Variants in L3HYPDH observed in about 807,000 individuals in gnomAD.
L3HYPDH encodes trans-3-hydroxy-L-proline dehydratase.
L3HYPDH carries 32 observed loss-of-function variants against 26.5 expected under a neutral mutation model. The observed-to-expected ratio is 1.21, with a 90% CI of 0.91 to 1.62. The LOEUF is 1.62. Among genes scored for constraint, L3HYPDH ranks in the 40% most tolerant of loss-of-function variants. The pLI, the probability that L3HYPDH is intolerant of heterozygous loss-of-function variation, is 0.00. For synonymous variants in L3HYPDH, 215 were observed against 196.6 expected (o/e 1.09, Z -0.78); for missense variants, 554 against 476.4 (o/e 1.16, Z -1.52).
rs115260703 is a variant in L3HYPDH, at chr14:59,480,607, C to T, written c.509-1256G>A. Among the ~76,000 whole-genome samples the T allele has an allele frequency of 1.5e-3, 227 of 152,280 alleles. 1 individual carries two copies. Among genetic ancestry groups the T allele is most frequent in the African/African-American group, 5.2e-3 (218 of 41,548 alleles). On this transcript the variant is annotated intron_variant, in intron 1 of 4. Coordinates refer to ENST00000247194, the MANE Select transcript of L3HYPDH (RefSeq NM_144581.2). ...TGGGAAAGAAAATATATCTTGTGTTCCTGAGTTTTCATACAAGGTCATACA... is the reference window on the plus strand; with the variant it reads ...TGGGAAAGAAAATATATCTTGTGTTTCTGAGTTTTCATACAAGGTCATACA...
upstream of L3HYPDH, chr14:59,485,071 A>G (rs1890424777): frequency 6.3e-7 from 1 of 1,598,484 alleles, no homozygotes; most frequent in Non-Finnish European, 8.5e-7. Flanking sequence ...GCTAAAGGAA[A>G]TGAAAGGAGA....
chr14:59,487,940 TTTTC>T (rs1335685040), upstream of L3HYPDH: 6 of 1,014,118 alleles, frequency 5.9e-6, no homozygotes, highest in Non-Finnish European at 8.9e-6. Context: ...GTAAACATGT[TTTTC>T]TTTATCTTCA....
the L3HYPDH span, chr14:59,498,752 G>T: frequency 4.3e-5 from 68 of 1,569,210 alleles, no homozygotes; most frequent in Non-Finnish European, 5.7e-5. Flanking sequence ...TATCTATTAC[G>T]CATTCTGCTT....
the L3HYPDH span, among the ~76,000 whole-genome samples, chr14:59,489,913 T>G: frequency 6.6e-6 from 1 of 152,022 alleles, no homozygotes. Flanking sequence ...GTTTTATTTT[T>G]TAATTTATCT....
At chr14:59,496,359 T>C in the L3HYPDH span, among the ~76,000 whole-genome samples, 1 of 151,698 alleles carries the variant, frequency 6.6e-6, no homozygotes, top group East Asian at 1.9e-4. Flanking sequence ...ATTACCCTCT[T>C]GTCATATAAC....
chr14:59,501,570 T>TGCC, the L3HYPDH span, among the ~76,000 whole-genome samples: 5 of 152,216 alleles, frequency 3.3e-5, no homozygotes, highest in Non-Finnish European at 7.3e-5. Flanking sequence ...TGTTGAAACT[T>TGCC]ATTAACAGTA....
chr14:59,479,395 A>T, intron 1 of L3HYPDH, 44 bp from the exon 2 acceptor site: 1 of 1,523,676 alleles, frequency 6.6e-7, no homozygotes, highest in Non-Finnish European at 9.0e-7. Context: ...TTTGTTAATA[A>T]GTATTTTAGC....
chr14:59,487,067 G>A (rs1214282972), upstream of L3HYPDH: 2 of 280,698 alleles, frequency 7.1e-6, no homozygotes, highest in South Asian at 4.9e-5. Context: ...GCTGGGCATA[G>A]TTGTGTGCGC....
rs200875616 is a variant in L3HYPDH at position 59,483,975 on chromosome 14, G to C, written c.342C>G (p.Phe114Leu). The change falls in exon 1 of 5, where the codon TTC (phenylalanine) becomes TTG (leucine). Residue 114 changes from phenylalanine to leucine, a missense_variant. Transcript: ENST00000247194. ...CGHAVLALGR[F>L]ALDFGLVPAP... ...CCGGCACAAGCCCGAAGTCCAAAGCGAAGCGGCCCAGCGCCAGCACTGCGT... is the reference window on the plus strand; with the variant it reads ...CCGGCACAAGCCCGAAGTCCAAAGCCAAGCGGCCCAGCGCCAGCACTGCGT... The C allele has an allele frequency of 3.8e-6, 6 of 1,576,410 alleles. No homozygotes were observed. Among genetic ancestry groups the C allele is most frequent in the Non-Finnish European group, 4.3e-6 (5 of 1,166,852 alleles).
chr14:59,484,556 C>T (rs754261436), upstream of L3HYPDH: 12 of 1,567,842 alleles, frequency 7.7e-6, no homozygotes, highest in African/African-American at 2.7e-5. Context: ...ATCCGCTGAT[C>T]TAGTGCTTCT....
chr14:59,480,673 A>G (rs1443841658), intron 1 of L3HYPDH, among the ~76,000 whole-genome samples: 1 of 152,266 alleles, frequency 6.6e-6, no homozygotes, highest in Middle Eastern at 3.2e-3. Flanking sequence ...GGCTATCAGT[A>G]TGCTATTAGT....
intron 2 of L3HYPDH, among the ~76,000 whole-genome samples, chr14:59,477,233 G>A (rs1009428419): frequency 2.6e-5 from 4 of 152,138 alleles, no homozygotes; most frequent in African/African-American, 9.7e-5. Context: ...TTCTTTCTTC[G>A]AGTCTCCAGG....
At chr14:59,473,368 T>C (rs1461565495) in intron 4 of L3HYPDH, among the ~76,000 whole-genome samples, 2 of 152,164 alleles carry the variant, frequency 1.3e-5, no homozygotes, top group Non-Finnish European at 2.9e-5. Flanking sequence ...AGAGTCACTA[T>C]GGGAGTTTTC....
At chr14:59,487,627 T>A, upstream of L3HYPDH, 1 of 1,461,132 alleles carries the variant, frequency 6.8e-7, no homozygotes, top group Non-Finnish European at 9.6e-7. Flanking sequence ...GGTGTTAATG[T>A]TGTAAAATAA....
intron 4 of L3HYPDH, chr14:59,474,521 C>T: frequency 2.9e-6 from 2 of 700,330 alleles, no homozygotes; most frequent in Non-Finnish European, 5.2e-6. Flanking sequence ...CTTCTCATAA[C>T]AGCTCCTATA....
At chr14:59,474,645 C>G in intron 4 of L3HYPDH, 1 of 588,828 alleles carries the variant, frequency 1.7e-6, no homozygotes. Context: ...TACTCACTAA[C>G]TAACCTCTGG....
At chr14:59,486,577 T>C (rs972773354), upstream of L3HYPDH, 1 of 650,070 alleles carries the variant, frequency 1.5e-6, no homozygotes. Flanking sequence ...AATTTAAAAA[T>C]GCTTCAAGAC....
At chr14:59,495,764 C>T in the L3HYPDH span, among the ~76,000 whole-genome samples, 1 of 152,132 alleles carries the variant, frequency 6.6e-6, no homozygotes, top group Admixed American at 6.5e-5. Context: ...AGCAGGCTTT[C>T]AGTACATAAT....
At chr14:59,495,241 A>T in the L3HYPDH span, 16 of 1,512,776 alleles carry the variant, frequency 1.1e-5, no homozygotes, top group African/African-American at 1.6e-5. Flanking sequence ...GTTTATTTCG[A>T]CTTAAGATCA....
Sources: allele counts gnomAD v4.1 joint callset (sites outside exome capture counted in the v4.1 genomes callset), GRCh38; gene constraint gnomAD v4.1.1; transcripts MANE v1.5; gene names NCBI Gene and HGNC (gene_info 2026-07-23, HGNC 2026-07-21).